Variants in SCHIP1 observed in about 807,000 individuals in gnomAD.
SCHIP1 encodes schwannomin interacting protein 1.
A neutral mutation model predicts 29.7 loss-of-function variants in SCHIP1; 8 were observed. The observed-to-expected ratio is 0.27, with a 90% CI of 0.16 to 0.49. The LOEUF is 0.49. Ranked by LOEUF, SCHIP1 falls within the 20% of genes least tolerant of loss-of-function variation. SCHIP1 has a pLI of 0.99. For missense variants in SCHIP1, 193 were observed against 294.6 expected, an observed-to-expected ratio of 0.66 and a Z score of 2.52; for synonymous variants, 76 against 94.9, an observed-to-expected ratio of 0.80 and a Z score of 1.16.
chr3:159,760,675 T>C, the SCHIP1 span, among the ~76,000 whole-genome samples: 3 of 152,216 alleles, frequency 2.0e-5, no homozygotes, highest in African/African-American at 7.2e-5. Context: ...TGTCCCCCAC[T>C]TCATGGAATT....
At chr3:159,301,724 G>GCTT in the SCHIP1 span, among the ~76,000 whole-genome samples, 1 of 152,152 alleles carries the variant, frequency 6.6e-6, no homozygotes, top group African/African-American at 2.4e-5. Context: ...GATGTGCCTT[G>GCTT]CTTCCCCTTT....
the SCHIP1 span, among the ~76,000 whole-genome samples, chr3:159,540,683 C>T: frequency 6.6e-6 from 1 of 152,054 alleles, no homozygotes. Context: ...AGAATTTTTG[C>T]ACTAACCTTT....
At chr3:159,696,662 C>A in the SCHIP1 span, among the ~76,000 whole-genome samples, 1 of 152,146 alleles carries the variant, frequency 6.6e-6, no homozygotes, top group African/African-American at 2.4e-5. Flanking sequence ...GGGAGAAAGA[C>A]AATTGAGAAG....
chr3:159,375,781 T>C, the SCHIP1 span: 1 of 891,018 alleles, frequency 1.1e-6, no homozygotes, highest in Non-Finnish European at 1.3e-6. Context: ...CATTTAAAAC[T>C]AGGATGGGTT....
the SCHIP1 span, among the ~76,000 whole-genome samples, chr3:159,313,601 G>A: frequency 6.6e-6 from 1 of 152,154 alleles, no homozygotes; most frequent in African/African-American, 2.4e-5. Context: ...CCTGCATCCA[G>A]TTTCTCCTCA....
the SCHIP1 span, among the ~76,000 whole-genome samples, chr3:159,664,506 TA>T: frequency 0.016 from 2,384 of 152,160 alleles, 62 homozygotes; most frequent in African/African-American, 0.054. Flanking sequence ...GCTTATTTAA[TA>T]AAAAAATGTT....
the SCHIP1 span, among the ~76,000 whole-genome samples, chr3:159,598,587 C>G: frequency 4.1e-3 from 624 of 152,294 alleles, 6 homozygotes; most frequent in African/African-American, 0.014. Flanking sequence ...CCTTGGAGAG[C>G]TCTGCTTCTG....
chr3:159,754,808 G>T, the SCHIP1 span, among the ~76,000 whole-genome samples: 1 of 152,246 alleles, frequency 6.6e-6, no homozygotes, highest in African/African-American at 2.4e-5. Flanking sequence ...GGAGCTAAGA[G>T]CTGGGGTCCA....
chr3:159,407,011 C>CA, the SCHIP1 span, among the ~76,000 whole-genome samples: 1 of 151,980 alleles, frequency 6.6e-6, no homozygotes, highest in Admixed American at 6.6e-5. Flanking sequence ...AAACAAATAG[C>CA]AAAATGACCG....
At chr3:159,834,037 T>A in the SCHIP1 span, among the ~76,000 whole-genome samples, 5 of 152,158 alleles carry the variant, frequency 3.3e-5, no homozygotes, top group African/African-American at 1.2e-4. Flanking sequence ...ACAGTTGATG[T>A]TGTTCTTAAT....
the SCHIP1 span, among the ~76,000 whole-genome samples, chr3:159,784,800 C>T: frequency 6.6e-6 from 1 of 152,132 alleles, no homozygotes; most frequent in South Asian, 2.1e-4. Flanking sequence ...ACTACAGACG[C>T]GTGCCACCAT....
chr3:159,345,273 A>G, the SCHIP1 span, among the ~76,000 whole-genome samples: 9 of 152,082 alleles, frequency 5.9e-5, no homozygotes, highest in Non-Finnish European at 1.3e-4. Flanking sequence ...GACATAAAGA[A>G]ATTAAAAGCC....
At chr3:159,863,355 G>C (rs1158470502) in intron 1 of SCHIP1, among the ~76,000 whole-genome samples, 1 of 150,940 alleles carries the variant, frequency 6.6e-6, no homozygotes, top group Non-Finnish European at 1.5e-5. Flanking sequence ...AAAAAAAAGA[G>C]GCTAACTTCC....
At chr3:159,857,116 C>T (rs1034980180) in intron 1 of SCHIP1, among the ~76,000 whole-genome samples, 2 of 152,156 alleles carry the variant, frequency 1.3e-5, no homozygotes, top group Admixed American at 6.5e-5. Context: ...TTAGCCTGGT[C>T]GGTCTTAGAT....
chr3:159,838,787 A>G (rs1017665525), upstream of SCHIP1, among the ~76,000 whole-genome samples: 1 of 151,716 alleles, frequency 6.6e-6, no homozygotes, highest in East Asian at 1.9e-4. Context: ...CCAGCTACTC[A>G]GGAGGCTGAG....
chr3:159,446,532 A>AGT, the SCHIP1 span, among the ~76,000 whole-genome samples: 132 of 150,334 alleles, frequency 8.8e-4, no homozygotes, highest in African/African-American at 2.3e-3. Context: ...ACAGCAATAC[A>AGT]ATATTGTTGC....
the SCHIP1 span, among the ~76,000 whole-genome samples, chr3:159,667,589 C>T: frequency 6.6e-6 from 1 of 152,126 alleles, no homozygotes; most frequent in Non-Finnish European, 1.5e-5. Context: ...GCACAGGAGC[C>T]ATAGTCCTAG....
chr3:159,471,026 T>G, the SCHIP1 span, among the ~76,000 whole-genome samples: 1 of 152,016 alleles, frequency 6.6e-6, no homozygotes, highest in African/African-American at 2.4e-5. Context: ...TAAGAGAATA[T>G]TTTGGGGATG....
the SCHIP1 span, among the ~76,000 whole-genome samples, chr3:159,540,483 G>A: frequency 5.9e-5 from 9 of 152,140 alleles, no homozygotes; most frequent in African/African-American, 1.9e-4. Flanking sequence ...TCTTTGTCCC[G>A]AGGGGAGCAA....
Sources: gnomAD v4.1 joint callset for allele counts (sites outside exome capture counted in the v4.1 genomes callset) on GRCh38, gnomAD v4.1.1 for gene constraint, MANE v1.5 for transcripts, NCBI Gene and HGNC (gene_info 2026-07-23, HGNC 2026-07-21) for gene names.